Variants in PTPN4 observed in about 807,000 individuals in gnomAD.
PTPN4 encodes the protein tyrosine-protein phosphatase non-receptor type 4.
Under a neutral mutation model 135.5 loss-of-function variants are expected in PTPN4, and 49 were observed. The ratio of observed to expected loss-of-function variants is 0.36; its 90% confidence interval spans 0.29 to 0.46. The LOEUF is 0.46. PTPN4 is among the 20% of genes least tolerant of loss of function. The pLI is 1.00. For synonymous variants in PTPN4, 333 were observed against 369.9 expected (o/e 0.90, Z 1.14); for missense variants, 860 against 1,101.0 (o/e 0.78, Z 3.10).
At chr2:119,974,481 T>TTA (rs1193654547) in intron 26 of PTPN4, among the ~76,000 whole-genome samples, 16 of 152,174 alleles carry the variant, frequency 1.1e-4, no homozygotes, top group African/African-American at 3.9e-4. Flanking sequence ...AGTGCTGGGA[T>TTA]TACAGGAGTG....
intron 2 of PTPN4, among the ~76,000 whole-genome samples, chr2:119,817,155 T>C (rs1384625392): frequency 6.6e-6 from 1 of 152,184 alleles, no homozygotes; most frequent in Non-Finnish European, 1.5e-5. Flanking sequence ...CTGAATGGTA[T>C]TGCCTAGGTT....
intron 15 of PTPN4, among the ~76,000 whole-genome samples, chr2:119,944,731 T>A (rs939625581): frequency 6.6e-6 from 1 of 152,182 alleles, no homozygotes; most frequent in African/African-American, 2.4e-5. Flanking sequence ...TACCCAATTA[T>A]CAGTTCTGGA....
intron 3 of PTPN4, among the ~76,000 whole-genome samples, chr2:119,874,875 A>G (rs1677962862): frequency 6.6e-6 from 1 of 152,156 alleles, no homozygotes; most frequent in Non-Finnish European, 1.5e-5. Flanking sequence ...AGATGGTACA[A>G]TTTATACTTT....
chr2:119,834,234 T>C (rs935234244), intron 2 of PTPN4, among the ~76,000 whole-genome samples: 1 of 152,054 alleles, frequency 6.6e-6, no homozygotes, highest in African/African-American at 2.4e-5. Flanking sequence ...TTAACTATAG[T>C]CACCCTACTC....
chr2:119,786,126 T>C (rs778378969), intron 1 of PTPN4, among the ~76,000 whole-genome samples: 6 of 152,176 alleles, frequency 3.9e-5, no homozygotes, highest in Admixed American at 1.3e-4. Context: ...CAACAGATTG[T>C]CTATGGACTG....
chr2:119,769,413 T>C (rs991839476), intron 1 of PTPN4, among the ~76,000 whole-genome samples: 1 of 152,182 alleles, frequency 6.6e-6, no homozygotes, highest in African/African-American at 2.4e-5. Flanking sequence ...AGGTCTCATC[T>C]CAGACCTTAT....
intron 11 of PTPN4, among the ~76,000 whole-genome samples, chr2:119,918,772 A>G (rs951744537): frequency 4.6e-5 from 7 of 152,264 alleles, no homozygotes; most frequent in African/African-American, 1.4e-4. Flanking sequence ...TGTACACCAG[A>G]GAACATACAG....
At chr2:119,863,377 G>A (rs72836847) in intron 3 of PTPN4, among the ~76,000 whole-genome samples, 3,653 of 152,164 alleles carry the variant, frequency 0.024, 64 homozygotes, top group Non-Finnish European at 0.033. Context: ...AGGGACTTCT[G>A]CAATAAAGTA....
chr2:119,909,780 A>G (rs770724774), intron 10 of PTPN4, among the ~76,000 whole-genome samples: 4 of 152,136 alleles, frequency 2.6e-5, no homozygotes, highest in Admixed American at 6.6e-5. Flanking sequence ...AATTTTGAAG[A>G]AATTGATTCC....
At chr2:119,872,689 G>A (rs149866787) in intron 3 of PTPN4, among the ~76,000 whole-genome samples, 28 of 152,114 alleles carry the variant, frequency 1.8e-4, no homozygotes, top group Admixed American at 4.6e-4. Flanking sequence ...ACTTTCTTGA[G>A]GTGATATGTT....
chr2:119,890,762 T>C (rs1678228705), intron 9 of PTPN4, among the ~76,000 whole-genome samples: 1 of 152,232 alleles, frequency 6.6e-6, no homozygotes, highest in African/African-American at 2.4e-5. Flanking sequence ...CTTGAGCATA[T>C]CTTACAGAAC....
In PTPN4 at chr2:119,980,625, T is replaced by C. The variant is rs1030036268; in HGVS notation, c.*3555T>C. 2 of 152,002 alleles carry C rather than the reference T, an allele frequency of 1.3e-5. No homozygotes were observed. Among genetic ancestry groups the C allele is most frequent in the African/African-American group, 2.4e-5 (1 of 41,416 alleles). The allele number at this position is 152,002 out of a possible 1,614,324, so 9.4% of individuals were successfully genotyped here. On this transcript the variant is annotated 3_prime_UTR_variant, in exon 27 of 27. Transcript: ENST00000263708. Reference sequence around the variant, plus strand: ...GAATATCATAAATTCTTGTGAATTTTTGTCTATTTCCAGTAGAGAAGCATA... The same window carrying C: ...GAATATCATAAATTCTTGTGAATTTCTGTCTATTTCCAGTAGAGAAGCATA...
At chr2:119,864,744 C>T (rs1677808701) in intron 3 of PTPN4, among the ~76,000 whole-genome samples, 1 of 152,146 alleles carries the variant, frequency 6.6e-6, no homozygotes, top group African/African-American at 2.4e-5. Context: ...GGGCTAATTA[C>T]ACCAGAATGA....
intron 9 of PTPN4, among the ~76,000 whole-genome samples, chr2:119,889,580 T>G (rs1282433810): frequency 6.6e-6 from 1 of 152,138 alleles, no homozygotes; most frequent in Non-Finnish European, 1.5e-5. Flanking sequence ...AACTTTTTGT[T>G]TCATTTATCC....
At chr2:119,857,587 A>C (rs917272701) in intron 2 of PTPN4, among the ~76,000 whole-genome samples, 2 of 151,928 alleles carry the variant, frequency 1.3e-5, no homozygotes, top group African/African-American at 4.8e-5. Flanking sequence ...AAGAAAAAAA[A>C]AAAAAACCTT....
In PTPN4 at chr2:119,977,172, T is replaced by C; in HGVS notation, c.*102T>C. The C allele has an allele frequency of 7.8e-7, 1 of 1,286,418 alleles. No homozygotes were observed. Among genetic ancestry groups the C allele is most frequent in the Non-Finnish European group, 1.0e-6 (1 of 978,956 alleles). 79.7% of individuals were successfully genotyped at this position (1,286,418 alleles called of 1,614,324 possible). A position where few individuals can be genotyped will look rare whatever the true frequency, so the allele number is the denominator to read the frequency against. On this transcript the variant is annotated 3_prime_UTR_variant, in exon 27 of 27. Transcript: ENST00000263708. ...GAAATGGCATTTTACAAAAAAAAAA[T>C]GAAGAACTCAAAAAAACTTTGAAAA...
intron 18 of PTPN4, among the ~76,000 whole-genome samples, chr2:119,948,237 A>G (rs973217534): frequency 6.6e-6 from 1 of 152,174 alleles, no homozygotes; most frequent in Non-Finnish European, 1.5e-5. Context: ...AATAGATAAT[A>G]TCTAAAACAG....
chr2:119,970,183 C>A, intron 26 of PTPN4, among the ~76,000 whole-genome samples: 1 of 152,078 alleles, frequency 6.6e-6, no homozygotes, highest in South Asian at 2.1e-4. Flanking sequence ...CCTCAGCCTC[C>A]CGAGTAGCTG....
intron 15 of PTPN4, among the ~76,000 whole-genome samples, chr2:119,940,757 T>C (rs1488018089): frequency 6.6e-6 from 1 of 152,250 alleles, no homozygotes; most frequent in Non-Finnish European, 1.5e-5. Context: ...TTTTGTTTTC[T>C]AGTCTATTGG....
Sources: allele counts gnomAD v4.1 joint callset (sites outside exome capture counted in the v4.1 genomes callset), GRCh38; gene constraint gnomAD v4.1.1; transcripts MANE v1.5; gene names NCBI Gene and HGNC (gene_info 2026-07-23, HGNC 2026-07-21).